The following RXYLT1 variants were observed in gnomAD, a reference collection of about 807,000 sequenced individuals.
The protein encoded by RXYLT1 is ribitol-5-phosphate xylosyltransferase 1.
RXYLT1 carries 41 observed loss-of-function variants against 43.5 expected under a neutral mutation model. That is an observed-to-expected ratio of 0.94 (90% confidence interval 0.73 to 1.22). The LOEUF (loss-of-function observed/expected upper bound fraction) is 1.22, where lower values mean the gene tolerates loss of function less well. RXYLT1 is among the 50% of genes most tolerant of loss of function. The probability of loss-of-function intolerance (pLI) is 0.00; values close to 1 mark genes in which losing one functional copy is unlikely to be tolerated. For missense variants in RXYLT1, 514 were observed against 532.0 expected (o/e 0.97, Z 0.33); for synonymous variants, 166 against 194.4 (o/e 0.85, Z 1.21).
At chr12:63,780,519 A>C in intron 1 of RXYLT1, 1 of 1,046,482 alleles carries the variant, frequency 9.6e-7, no homozygotes, top group Non-Finnish European at 1.1e-6. Context: ...TGCAGTGACC[A>C]TAAGGCAGAC....
chr12:63,780,172 G>A, intron 1 of RXYLT1, 43 bp downstream of exon 1: 1 of 1,408,784 alleles, frequency 7.1e-7, no homozygotes, highest in Admixed American at 3.5e-5. Context: ...TGCGCTCCTG[G>A]CTGGGGCTGC....
At chr12:63,808,526 G>T in intron 5 of RXYLT1, 149 bp from the exon 6 acceptor site, 1 of 755,914 alleles carries the variant, frequency 1.3e-6, no homozygotes, top group South Asian at 2.2e-5. Flanking sequence ...AATCTGTTTG[G>T]GCCAGGATTT....
At chr12:63,797,052 C>T (rs1057440517) in intron 3 of RXYLT1, among the ~76,000 whole-genome samples, 4 of 151,082 alleles carry the variant, frequency 2.6e-5, no homozygotes, top group African/African-American at 9.7e-5. Flanking sequence ...CAACCTCCAC[C>T]TCCTAGGTTC....
intron 3 of RXYLT1, among the ~76,000 whole-genome samples, chr12:63,801,877 A>G (rs1054189032): frequency 6.6e-6 from 1 of 152,180 alleles, no homozygotes; most frequent in Non-Finnish European, 1.5e-5. Flanking sequence ...TCATATGCAA[A>G]TTGATCTGCC....
At chr12:63,792,581 A>G (rs1366542360) in intron 3 of RXYLT1, among the ~76,000 whole-genome samples, 1 of 152,166 alleles carries the variant, frequency 6.6e-6, no homozygotes, top group African/African-American at 2.4e-5. Flanking sequence ...GCGTGCTATG[A>G]GATTTCCCAG....
At chr12:63,796,876 TAAAA>T (rs953299209) in intron 3 of RXYLT1, among the ~76,000 whole-genome samples, 2 of 148,262 alleles carry the variant, frequency 1.3e-5, no homozygotes, top group South Asian at 4.2e-4. Context: ...GTCCTGTCGA[TAAAA>T]AAAAGAAGAA....
intron 2 of RXYLT1, among the ~76,000 whole-genome samples, 189 bp downstream of exon 2, chr12:63,781,363 A>G (rs1443804937): frequency 6.6e-6 from 1 of 152,234 alleles, no homozygotes; most frequent in Non-Finnish European, 1.5e-5. Context: ...ATGTACACAC[A>G]TACATATTCC....
chr12:63,790,883 A>C (rs11175173), intron 3 of RXYLT1, among the ~76,000 whole-genome samples: 12,415 of 152,262 alleles, frequency 0.082, 892 homozygotes, highest in East Asian at 0.33. Flanking sequence ...ATTATTCCAA[A>C]GATTAAATGT....
chr12:63,784,866 T>G, intron 2 of RXYLT1, 104 bp from the exon 3 acceptor site: 1 of 954,102 alleles, frequency 1.0e-6, no homozygotes, highest in Non-Finnish European at 1.6e-6. Flanking sequence ...GCATTCTGGT[T>G]TTATAGTCAA....
intron 3 of RXYLT1, among the ~76,000 whole-genome samples, chr12:63,793,375 G>A (rs1592847561): frequency 6.6e-6 from 1 of 151,990 alleles, no homozygotes; most frequent in Non-Finnish European, 1.5e-5. Flanking sequence ...GGCACAGGGT[G>A]CACAGTGCAT....
chr12:63,787,118 A>C (rs1195376716), intron 3 of RXYLT1, among the ~76,000 whole-genome samples: 1 of 152,160 alleles, frequency 6.6e-6, no homozygotes, highest in Non-Finnish European at 1.5e-5. Flanking sequence ...AGAAAAAAAA[A>C]AATTGGAGCC....
chr12:63,780,610 A>G lies in RXYLT1; in HGVS notation c.170-409A>G, dbSNP rs557065128. The G allele has an allele frequency of 5.8e-4, 441 of 765,624 alleles. 2 individuals are homozygous for G. The African/African-American group carries it at 7.7e-3, about 13-fold the overall frequency. The allele number at this position is 765,624 out of a possible 1,614,324, so 47.4% of individuals were successfully genotyped here. A position where few individuals can be genotyped will look rare whatever the true frequency, so the allele number is the denominator to read the frequency against. ...CTCGGCTTTCTCTTTCCCTTTATTC[A>G]GAATTTTGCACGATAGTATCTAAGA... is the stretch of plus-strand genomic sequence containing the variant. On this transcript the variant is annotated intron_variant, in intron 1 of 5. Coordinates refer to ENST00000261234, the MANE Select transcript of RXYLT1 (RefSeq NM_014254.3).
intron 3 of RXYLT1, 85 bp downstream of exon 3, chr12:63,785,157 G>A: frequency 7.5e-6 from 6 of 795,066 alleles, no homozygotes; most frequent in Middle Eastern, 2.6e-4. Context: ...AAAAATAATA[G>A]GAAAATATAT....
chr12:63,780,835 A>G (rs1354148459), intron 1 of RXYLT1, among the ~76,000 whole-genome samples, 184 bp from the exon 2 acceptor site: 1 of 152,274 alleles, frequency 6.6e-6, no homozygotes, highest in Non-Finnish European at 1.5e-5. Flanking sequence ...AAAAAAGTTC[A>G]GTAAAAAAAT....
intron 3 of RXYLT1, among the ~76,000 whole-genome samples, chr12:63,797,561 A>G (rs1334917662): frequency 6.6e-6 from 1 of 152,216 alleles, no homozygotes; most frequent in Non-Finnish European, 1.5e-5. Context: ...ATATTCCTAG[A>G]GCATGAAGAA....
At chr12:63,781,813 G>A (rs1049602680) in intron 2 of RXYLT1, among the ~76,000 whole-genome samples, 2 of 152,150 alleles carry the variant, frequency 1.3e-5, no homozygotes, top group Admixed American at 1.3e-4. Flanking sequence ...AGCGCTTTAT[G>A]TGGCCTTTGA....
intron 3 of RXYLT1, among the ~76,000 whole-genome samples, chr12:63,791,065 C>T (rs896384136): frequency 6.6e-6 from 1 of 152,046 alleles, no homozygotes; most frequent in Non-Finnish European, 1.5e-5. Context: ...ATGTACCTGC[C>T]CACAAATGCC....
At chr12:63,793,699 A>G (rs112301323) in intron 3 of RXYLT1, among the ~76,000 whole-genome samples, 200 of 152,328 alleles carry the variant, frequency 1.3e-3, no homozygotes, top group Admixed American at 3.5e-3. Flanking sequence ...AGTGGGGTGA[A>G]AAACAAATAT....
intron 3 of RXYLT1, among the ~76,000 whole-genome samples, chr12:63,799,731 T>C (rs1898116626): frequency 6.6e-6 from 1 of 151,932 alleles, no homozygotes; most frequent in Non-Finnish European, 1.5e-5. Context: ...CAAGATTTCC[T>C]TTTTTTTCCT....
Sources: allele counts gnomAD v4.1 joint callset (sites outside exome capture counted in the v4.1 genomes callset), GRCh38; gene constraint gnomAD v4.1.1; transcripts MANE v1.5; gene names NCBI Gene and HGNC (gene_info 2026-07-23, HGNC 2026-07-21).